ALDH1L1: variants seen among roughly 807,000 people sequenced by gnomAD.
ALDH1L1 encodes aldehyde dehydrogenase 1 family member L1.
ALDH1L1 carries 68 observed loss-of-function variants against 101.1 expected under a neutral mutation model. The observed-to-expected ratio is 0.67, with a 90% confidence interval of 0.55 to 0.82. ALDH1L1 has a LOEUF of 0.82. Among genes scored for constraint, ALDH1L1 ranks in the 40% least tolerant of loss-of-function variants. The pLI, the probability that ALDH1L1 is intolerant of heterozygous loss-of-function variation, is 0.00. For missense variants in ALDH1L1, 1,087 were observed against 1,172.7 expected (o/e 0.93, Z 1.07); for synonymous variants, 486 against 470.8 (o/e 1.03, Z -0.42).
At chr3:126,165,078 G>C (rs2081139332) in intron 1 of ALDH1L1, among the ~76,000 whole-genome samples, 1 of 152,014 alleles carries the variant, frequency 6.6e-6, no homozygotes, top group African/African-American at 2.4e-5. Context: ...GGAAGTGTCT[G>C]TTCATGTCCT....
intron 14 of ALDH1L1, among the ~76,000 whole-genome samples, chr3:126,126,175 C>A (rs747977289): frequency 6.6e-5 from 10 of 152,178 alleles, no homozygotes; most frequent in Admixed American, 6.5e-5. Context: ...CAAGGCAGCA[C>A]TGATGAAGTC....
rs576179273 is a variant in ALDH1L1 at position 126,160,585 on chromosome 3, G to C, written c.127+268C>G. On this transcript the variant is annotated intron_variant, in intron 2 of 22. Transcript: ENST00000393434. ...TCAGAGAAGCTCTGTGTGGGACCTG[G>C]GACCAGGCTGGGCTTCTCTATAGCC... The C allele has an allele frequency of 1.9e-4, 82 of 432,978 alleles. 1 individual carries two copies. The highest frequency in any genetic ancestry group is 8.5e-4 in the Admixed American group (21 of 24,836). 26.8% of individuals were successfully genotyped at this position (432,978 alleles called of 1,614,324 possible).
chr3:126,128,434 G>A (rs2080231331), intron 14 of ALDH1L1: 1 of 152,184 alleles, frequency 6.6e-6, no homozygotes, highest in South Asian at 2.1e-4. Flanking sequence ...TGGGGAGACT[G>A]AGTACAGACA....
At chr3:126,178,380 CAAA>C (rs56979863) in intron 1 of ALDH1L1, among the ~76,000 whole-genome samples, 16 of 73,486 alleles carry the variant, frequency 2.2e-4, no homozygotes, top group South Asian at 5.5e-4. Context: ...GACCCTGTCT[CAAA>C]AAAAAAAAAA....
At chr3:126,135,474 C>G in intron 12 of ALDH1L1, 61 bp downstream of exon 12, 1 of 1,571,242 alleles carries the variant, frequency 6.4e-7, no homozygotes, top group South Asian at 1.2e-5. Context: ...GAAGTCCCCC[C>G]CGTGCCACTG....
intron 17 of ALDH1L1, among the ~76,000 whole-genome samples, chr3:126,117,048 A>T (rs1024989881): frequency 6.6e-6 from 1 of 152,218 alleles, no homozygotes; most frequent in Admixed American, 6.5e-5. Flanking sequence ...GTTCGAGACC[A>T]GGCTGGGCAA....
intron 1 of ALDH1L1, among the ~76,000 whole-genome samples, chr3:126,189,739 A>G (rs1559986363): frequency 6.6e-6 from 1 of 152,144 alleles, no homozygotes; most frequent in Non-Finnish European, 1.5e-5. Context: ...GTTATATCAG[A>G]ATTGAGGAGA....
rs990609020 is a variant in ALDH1L1 at position 126,112,764 on chromosome 3, C to T, written c.2181+18G>A. 6.2e-7 allele frequency: 1 copy of T among 1,610,844 alleles called. No homozygotes were observed. The highest frequency in any genetic ancestry group is 1.7e-5 in the Admixed American group (1 of 60,018). ...TCCCAGTGAACCAGCCGCCCGCAGA[C>T]CCTGGGGCAGGACTTACCACTCTCC... On this transcript the variant is annotated intron_variant, in intron 19 of 22. Transcript: ENST00000393434.
chr3:126,150,354 G>A (rs1221771784), intron 8 of ALDH1L1, 52 bp downstream of exon 8: 2 of 1,541,998 alleles, frequency 1.3e-6, no homozygotes, highest in Non-Finnish European at 1.8e-6. Context: ...CAGAACACAT[G>A]TGCACGGCAC....
chr3:126,156,261 A>AT (rs2080901497), intron 4 of ALDH1L1: 1 of 152,210 alleles, frequency 6.6e-6, no homozygotes, highest in African/African-American at 2.4e-5. Flanking sequence ...TTCAAGGAGT[A>AT]TTTGAGTTGC....
intron 7 of ALDH1L1, chr3:126,150,887 C>T (rs901635986): frequency 1.9e-5 from 5 of 262,126 alleles, no homozygotes; most frequent in Admixed American, 1.5e-4. Flanking sequence ...TTCCTGTGGT[C>T]GGACCTGAGG....
At chr3:126,114,775 C>T (rs771958931) in intron 17 of ALDH1L1, 119 bp from the exon 18 acceptor site, 19 of 910,460 alleles carry the variant, frequency 2.1e-5, no homozygotes, top group Admixed American at 5.5e-5. Flanking sequence ...AAGCAAGACC[C>T]GGCCAGTGCC....
At chr3:126,137,360 C>T (rs533620857) in intron 10 of ALDH1L1, among the ~76,000 whole-genome samples, 1 of 152,310 alleles carries the variant, frequency 6.6e-6, no homozygotes, top group East Asian at 1.9e-4. Context: ...CACTTTTGTT[C>T]CAATCTACCA....
chr3:126,168,559 A>C (rs1644965704), intron 1 of ALDH1L1, among the ~76,000 whole-genome samples: 1 of 152,158 alleles, frequency 6.6e-6, no homozygotes, highest in South Asian at 2.1e-4. Context: ...AAAAAACTTA[A>C]CGGTAATCTA....
At chr3:126,129,425 C>G (rs2108231253) in intron 14 of ALDH1L1, 1 of 152,620 alleles carries the variant, frequency 6.6e-6, no homozygotes, top group African/African-American at 2.4e-5. Flanking sequence ...GGGCCCTGCT[C>G]CCAGGTCACC....
intron 20 of ALDH1L1, chr3:126,107,863 C>G (rs1241704411): frequency 6.5e-6 from 1 of 152,894 alleles, no homozygotes; most frequent in African/African-American, 2.4e-5. Context: ...AACTGAAATG[C>G]TTCCTCTCTG....
intron 1 of ALDH1L1, among the ~76,000 whole-genome samples, chr3:126,178,628 A>G (rs942380115): frequency 2.0e-5 from 3 of 152,162 alleles, no homozygotes; most frequent in Non-Finnish European, 4.4e-5. Context: ...TGAAAATCAA[A>G]TATAAGAAGA....
intron 16 of ALDH1L1, among the ~76,000 whole-genome samples, chr3:126,118,406 T>C (rs949932427): frequency 6.6e-6 from 1 of 152,116 alleles, no homozygotes; most frequent in Non-Finnish European, 1.5e-5. Flanking sequence ...CCTAATCCAA[T>C]CTGACTGGTG....
At chr3:126,150,607 T>G in intron 7 of ALDH1L1, 76 bp from the exon 8 acceptor site, 2 of 1,470,160 alleles carry the variant, frequency 1.4e-6, no homozygotes, top group South Asian at 1.3e-5. Flanking sequence ...CAGGCTGGAG[T>G]GCAGTGGTGC....
Sources: gnomAD v4.1 joint callset for allele counts (sites outside exome capture counted in the v4.1 genomes callset) on GRCh38, gnomAD v4.1.1 for gene constraint, MANE v1.5 for transcripts, NCBI Gene and HGNC (gene_info 2026-07-23, HGNC 2026-07-21) for gene names.